PSME4: variants seen among roughly 807,000 people sequenced by gnomAD.
The protein encoded by PSME4 is proteasome activator complex subunit 4.
Under a neutral mutation model 253.9 loss-of-function variants are expected in PSME4, and 89 were observed. The ratio of observed to expected loss-of-function variants is 0.35; its 90% CI spans 0.30 to 0.42. The LOEUF (loss-of-function observed/expected upper bound fraction) is 0.42, where lower values mean the gene tolerates loss of function less well. Among genes scored for constraint, PSME4 ranks in the 10% least tolerant of loss-of-function variants. The pLI is 1.00. For missense variants in PSME4, 2,014 were observed against 2,195.2 expected (o/e 0.92, Z 1.65); for synonymous variants, 851 against 759.2 (o/e 1.12, Z -1.99).
chr2:53,907,764 A>G (rs954692737), intron 24 of PSME4, among the ~76,000 whole-genome samples: 1 of 152,128 alleles, frequency 6.6e-6, no homozygotes, highest in African/African-American at 2.4e-5. Flanking sequence ...GCCCTTTTAC[A>G]TGCCATTCCT....
intron 1 of PSME4, among the ~76,000 whole-genome samples, chr2:53,951,060 G>A (rs1669964638): frequency 6.6e-6 from 1 of 152,010 alleles, no homozygotes; most frequent in South Asian, 2.1e-4. Flanking sequence ...CAGTACCTGA[G>A]ATCAAATAAA....
chr2:53,923,282 T>G, intron 15 of PSME4, 39 bp downstream of exon 15: 1 of 1,563,516 alleles, frequency 6.4e-7, no homozygotes, highest in Non-Finnish European at 8.6e-7. Flanking sequence ...TAGTTGATTG[T>G]TGAGTCATTA....
At chr2:53,933,679 G>C (rs1668965915) in intron 8 of PSME4, among the ~76,000 whole-genome samples, 1 of 152,202 alleles carries the variant, frequency 6.6e-6, no homozygotes, top group Non-Finnish European at 1.5e-5. Flanking sequence ...ATGGCACTCA[G>C]CCATATTTTC....
chr2:53,945,337 A>T (rs900426889), intron 3 of PSME4, among the ~76,000 whole-genome samples: 1 of 152,214 alleles, frequency 6.6e-6, no homozygotes, highest in African/African-American at 2.4e-5. Context: ...TTATATCGCT[A>T]ACAATTAGTT....
intron 20 of PSME4, among the ~76,000 whole-genome samples, chr2:53,915,220 C>A (rs1048862105): frequency 1.3e-5 from 2 of 152,060 alleles, no homozygotes; most frequent in South Asian, 4.1e-4. Context: ...ACAGGCAGAT[C>A]GCCTGAGCTC....
In PSME4 at chr2:53,906,830, A is replaced by G. The variant is rs1558670614; in HGVS notation, c.2823T>C (p.Ile941=). 1 of 1,613,588 alleles carries G rather than the reference A, an allele frequency of 6.2e-7. No individual in the cohort carries two copies. The highest frequency in any genetic ancestry group is 8.5e-7 in the Non-Finnish European group (1 of 1,179,834). Reference sequence around the variant, plus strand: ...CCTCATGCTGTAACATTACTCTATCAATCAACAGTGCTCTGATATGTTGTT... The same window carrying G: ...CCTCATGCTGTAACATTACTCTATCGATCAACAGTGCTCTGATATGTTGTT... ...GKKQHIRALL[I]DRVMLQHELR... is the part of the protein sequence containing the mutation. The change falls in exon 25 of 47, where the codon ATT becomes ATC. Residue 941 remains isoleucine, a synonymous_variant. Coordinates refer to ENST00000404125, the MANE Select transcript of PSME4 (RefSeq NM_014614.3).
intron 34 of PSME4, among the ~76,000 whole-genome samples, chr2:53,894,435 C>T (rs72902954): frequency 0.016 from 2,363 of 151,268 alleles, 67 homozygotes; most frequent in African/African-American, 0.055. Context: ...CTACGCCCAG[C>T]TGATTTTTGT....
chr2:53,926,832 GGCATGGTGGTGCAT>G (rs1424999911), intron 12 of PSME4, among the ~76,000 whole-genome samples: 1 of 151,902 alleles, frequency 6.6e-6, no homozygotes, highest in African/African-American at 2.4e-5. Flanking sequence ...AAATTAGCCA[GGCATGGTGGTGCAT>G]GCCTGTAGTC....
intron 4 of PSME4, among the ~76,000 whole-genome samples, chr2:53,939,595 G>A (rs1216412771): frequency 6.6e-6 from 1 of 152,008 alleles, no homozygotes; most frequent in African/African-American, 2.4e-5. Context: ...AAAAGAATAT[G>A]GGATATTTAA....
chr2:53,904,620 C>A (rs1680562650), intron 26 of PSME4, among the ~76,000 whole-genome samples: 1 of 152,204 alleles, frequency 6.6e-6, no homozygotes, highest in Admixed American at 6.5e-5. Context: ...TACAATCTCA[C>A]ATATTTTTGA....
intron 17 of PSME4, among the ~76,000 whole-genome samples, chr2:53,921,591 G>C (rs1257167507): frequency 6.8e-6 from 1 of 146,870 alleles, no homozygotes; most frequent in East Asian, 2.1e-4. Flanking sequence ...GAAGTTGGCC[G>C]GGCGCGGTGG....
chr2:53,870,209 T>C (rs1476791647), intron 43 of PSME4: 1 of 152,206 alleles, frequency 6.6e-6, no homozygotes, highest in Non-Finnish European at 1.5e-5. Context: ...TTTTGCTCTG[T>C]TGTATTCCTT....
intron 43 of PSME4, among the ~76,000 whole-genome samples, chr2:53,873,064 C>A (rs1425944303): frequency 6.6e-6 from 1 of 151,398 alleles, no homozygotes; most frequent in Non-Finnish European, 1.5e-5. Context: ...CATGGTGAAA[C>A]CCCGTCTCTA....
In PSME4 at chr2:53,927,447, C is replaced by A; in HGVS notation, c.1540G>T (p.Val514Leu). ...FQFIATFSTL[V>L]PLVDCSSVLQ... ...ACAGATGAACAATCTACTAAAGGCA[C>A]CAGAGTAGAAAATGTTGCTATGAAC... is the stretch of plus-strand genomic sequence containing the variant. Residue 514 changes from valine (V) to leucine (L), a missense_variant, in exon 12 of 47, where the codon GTG becomes TTG. Physicochemically the swap from Val to Leu is conservative, Grantham distance 32. Transcript: ENST00000404125. 6.3e-7 allele frequency: 1 copy of A among 1,597,184 alleles called. No homozygotes were observed. The highest frequency in any genetic ancestry group is 8.6e-7 in the Non-Finnish European group (1 of 1,164,722).
intron 34 of PSME4, among the ~76,000 whole-genome samples, chr2:53,894,332 T>C (rs1200794036): frequency 6.6e-6 from 1 of 152,154 alleles, no homozygotes; most frequent in Non-Finnish European, 1.5e-5. Context: ...AGTGCAGTGG[T>C]GCGATCATGG....
intron 26 of PSME4, 31 bp downstream of exon 26, chr2:53,906,567 C>T: frequency 6.7e-7 from 1 of 1,499,188 alleles, no homozygotes; most frequent in Non-Finnish European, 8.9e-7. Flanking sequence ...AATGGGAGGG[C>T]ATGAGAGTGC....
intron 1 of PSME4, among the ~76,000 whole-genome samples, chr2:53,968,432 T>C (rs1343049711): frequency 1.3e-5 from 2 of 152,112 alleles, no homozygotes; most frequent in African/African-American, 2.4e-5. Flanking sequence ...AAGTACTAAA[T>C]ATGATCACCA....
rs539881627 is a variant in PSME4 at position 53,954,971 on chromosome 2, G to T, written c.243-5688C>A. ...GAGGAGGAAAGATCACTTGAGGACA[G>T]GAATTCAAGACTAGCCTGGGTAACA... On this transcript the variant is annotated intron_variant, in intron 1 of 46. Coordinates refer to ENST00000404125, the MANE Select transcript of PSME4 (RefSeq NM_014614.3). 2.0e-5 allele frequency among the ~76,000 whole-genome samples: 3 copies of T among 152,028 alleles called. No homozygotes were observed. In the South Asian group the frequency reaches 6.2e-4, roughly 32 times the overall value.
At chr2:53,904,402 G>C (rs931313208) in intron 26 of PSME4, among the ~76,000 whole-genome samples, 1 of 152,178 alleles carries the variant, frequency 6.6e-6, no homozygotes, top group Non-Finnish European at 1.5e-5. Flanking sequence ...ATAAAGGGGA[G>C]ACTGAATGGA....
Sources: allele counts gnomAD v4.1 joint callset (sites outside exome capture counted in the v4.1 genomes callset), GRCh38; gene constraint gnomAD v4.1.1; transcripts MANE v1.5; gene names NCBI Gene and HGNC (gene_info 2026-07-23, HGNC 2026-07-21).